Variants in MGAT5B observed in about 807,000 individuals in gnomAD.
The protein encoded by MGAT5B is alpha-1,6-mannosylglycoprotein 6-beta-N-acetylglucosaminyltransferase B.
In MGAT5B, 54 loss-of-function variants were observed where a neutral mutation model predicts 95.1. The observed-to-expected ratio is 0.57, with a 90% CI of 0.46 to 0.71. MGAT5B has a LOEUF of 0.71. Among genes scored for constraint, MGAT5B ranks in the 30% least tolerant of loss-of-function variants. The pLI is 0.00. For synonymous variants in MGAT5B, 464 were observed against 451.0 expected (o/e 1.03, Z -0.36); for missense variants, 935 against 1,088.6 (o/e 0.86, Z 1.99).
At chr17:76,913,938 T>C (rs1224273387) in intron 8 of MGAT5B, 4 of 360,020 alleles carry the variant, frequency 1.1e-5, no homozygotes, top group African/African-American at 2.1e-5. Context: ...TAGTGAGACC[T>C]GGTCTTTACC....
chr17:76,933,249 G>GTC lies in MGAT5B; in HGVS notation c.1423-33_1423-32dup, dbSNP rs761140377. On this transcript the variant is annotated intron_variant, in intron 11 of 17. Coordinates refer to ENST00000569840, the MANE Select transcript of MGAT5B (RefSeq NM_001199172.2). ...GTCTGCGAATCATCACTAACCTGCT[G>GTC]TCTCTCTCTCTGTTCCTTGTGCTCC... The GTC allele has an allele frequency of 5.0e-6, 8 of 1,597,854 alleles. No homozygotes were observed. In the South Asian group the frequency reaches 5.5e-5, roughly 11 times the overall value.
intron 4 of MGAT5B, 56 bp downstream of exon 4, chr17:76,902,726 G>A: frequency 7.9e-7 from 1 of 1,261,162 alleles, no homozygotes; most frequent in Non-Finnish European, 1.1e-6. Context: ...TGAACTGGGT[G>A]CTGGGTGGGC....
intron 1 of MGAT5B, chr17:76,872,615 A>G (rs994296081): frequency 3.0e-5 from 43 of 1,444,108 alleles, no homozygotes; most frequent in Middle Eastern, 1.9e-4. Flanking sequence ...AGTGTGCGTC[A>G]TTCTGCCTTG....
Position 76,869,209 on chromosome 17 carries a change from T to C in MGAT5B, c.68+112T>C. The stretch of plus-strand genomic sequence containing the variant: ...GGTGGCAGAGGGGGCGGTTCACACT[T>C]CAACCCCTGGTGATGACCAGTGGGG... On this transcript the variant is annotated intron_variant, in intron 1 of 17. Coordinates refer to ENST00000569840, the MANE Select transcript of MGAT5B (RefSeq NM_001199172.2). This position sits in a 1 kb window ranked among gnomAD's most constrained non-coding sequence, Gnocchi z 7.0. 2 of 895,972 alleles carry C rather than the reference T, an allele frequency of 2.2e-6. No individual in the cohort carries two copies. Among genetic ancestry groups the C allele is most frequent in the Non-Finnish European group, 3.6e-6 (2 of 551,870 alleles). 55.5% of individuals were successfully genotyped at this position (895,972 alleles called of 1,614,324 possible). A position where few individuals can be genotyped will look rare whatever the true frequency, so the allele number is the denominator to read the frequency against.
chr17:76,878,382 G>A (rs1283739939), intron 2 of MGAT5B, among the ~76,000 whole-genome samples: 1 of 152,204 alleles, frequency 6.6e-6, no homozygotes, highest in Non-Finnish European at 1.5e-5. Context: ...ATGGGGTGGG[G>A]CTTGAAGAAC....
rs149653594 is a variant in MGAT5B, at chr17:76,914,798, C to T, written c.1025+8611C>T. ...GACTACAGGAATGTGCCACCATGCCCAGCTAATTTTTGTATTTTTAGTAGA... is the reference window on the plus strand; with the variant it reads ...GACTACAGGAATGTGCCACCATGCCTAGCTAATTTTTGTATTTTTAGTAGA... On this transcript the variant is annotated intron_variant, in intron 8 of 17. Transcript: ENST00000569840. This position sits in a 1 kb window ranked among gnomAD's most constrained non-coding sequence, Gnocchi z 5.1. 6.0e-3 allele frequency among the ~76,000 whole-genome samples: 919 copies of T among 152,212 alleles called. 13 individuals are homozygous for T. The highest frequency in any genetic ancestry group is 0.021 in the African/African-American group (890 of 41,528).
chr17:76,874,632 G>T (rs1967121186), intron 2 of MGAT5B, among the ~76,000 whole-genome samples: 1 of 152,134 alleles, frequency 6.6e-6, no homozygotes, highest in Non-Finnish European at 1.5e-5. Context: ...AATTAGGGAT[G>T]GGGGAGAGGA....
chr17:76,933,394 C>A, intron 12 of MGAT5B, 97 bp downstream of exon 12: 1 of 1,488,432 alleles, frequency 6.7e-7, no homozygotes, highest in Non-Finnish European at 9.2e-7. Flanking sequence ...GTTCTCCTGA[C>A]TCAGGCTCTC....
At chr17:76,943,758 A>G (rs1969943877) in intron 15 of MGAT5B, among the ~76,000 whole-genome samples, 1 of 152,026 alleles carries the variant, frequency 6.6e-6, no homozygotes, top group Non-Finnish European at 1.5e-5. Flanking sequence ...TCTATTTTAG[A>G]AAACAGATTT....
At chr17:76,935,859 T>TTATATA (rs1233318966) in intron 12 of MGAT5B, among the ~76,000 whole-genome samples, 11 of 60,844 alleles carry the variant, frequency 1.8e-4, no homozygotes, top group Admixed American at 1.1e-3. Context: ...ATACTATATA[T>TTATATA]ATTATATACA....
chr17:76,906,135 T>C lies in MGAT5B; in HGVS notation c.973T>C (p.Tyr325His), dbSNP rs1287689822. 2 of 1,607,798 alleles carry C rather than the reference T, an allele frequency of 1.2e-6. No homozygotes were observed. Among genetic ancestry groups the C allele is most frequent in the Middle Eastern group, 1.7e-4 (1 of 5,998 alleles). Residue 325 changes from tyrosine to histidine, a missense_variant, in exon 8 of 18, where the codon TAT (tyrosine) becomes CAT (histidine). Coordinates refer to ENST00000569840, the MANE Select transcript of MGAT5B (RefSeq NM_001199172.2). The surrounding 1 kb of genome is among the most constrained non-coding windows in gnomAD (Gnocchi z 4.6). ...GTGGGCGGACATTCTGACTGCACTCTATGTCCTGGGCCATGGCCTGCGGGT... is the reference window on the plus strand; with the variant it reads ...GTGGGCGGACATTCTGACTGCACTCCATGTCCTGGGCCATGGCCTGCGGGT... ...VQWADILTAL[Y>H]VLGHGLRVTV...
rs1279974886 is a variant in MGAT5B, at chr17:76,906,632, G to A, written c.1025+445G>A. ...GAAGGGGCGTGGTTGGGTGGGTGGT[G>A]CCTGTCCCTTACCCAGTGCTGGGCT... On this transcript the variant is annotated intron_variant, in intron 8 of 17. Transcript: ENST00000569840. This position sits in a 1 kb window ranked among gnomAD's most constrained non-coding sequence, Gnocchi z 4.6. Among the ~76,000 whole-genome samples, 1 of 152,138 alleles carries A rather than the reference G, an allele frequency of 6.6e-6. No individual in the cohort carries two copies. Among genetic ancestry groups the A allele is most frequent in the African/African-American group, 2.4e-5 (1 of 41,420 alleles).
In MGAT5B at chr17:76,914,743, T is replaced by G. The variant is rs1968866862; in HGVS notation, c.1025+8556T>G. ...ATCCTCCACCTCCGGGTTCAAGTGA[T>G]TCTCCTGCCTCAGCCTCCCGAGTAG... On this transcript the variant is annotated intron_variant, in intron 8 of 17. Coordinates refer to ENST00000569840, the MANE Select transcript of MGAT5B (RefSeq NM_001199172.2). This position sits in a 1 kb window ranked among gnomAD's most constrained non-coding sequence, Gnocchi z 5.1. Among the ~76,000 whole-genome samples, 2 of 152,082 alleles carry G rather than the reference T, an allele frequency of 1.3e-5. No individual in the cohort carries two copies. The highest frequency in any genetic ancestry group is 4.8e-5 in the African/African-American group (2 of 41,352).
chr17:76,920,547 G>A (rs1369233650), intron 8 of MGAT5B, among the ~76,000 whole-genome samples: 2 of 152,174 alleles, frequency 1.3e-5, no homozygotes, highest in Non-Finnish European at 2.9e-5. Flanking sequence ...TGCTCTCCAG[G>A]GGGTGAGGCT....
intron 3 of MGAT5B, among the ~76,000 whole-genome samples, chr17:76,894,328 C>T (rs1019364144): frequency 2.0e-5 from 3 of 152,170 alleles, no homozygotes; most frequent in Non-Finnish European, 4.4e-5. Context: ...CCTTGCTGTG[C>T]CTTTGTTTCC....
At position 76,890,458 on chromosome 17, in the gene MGAT5B, CA is replaced by C. The variant is rs563378393; in HGVS notation, c.329+8162del. ...ATAGGTCTCTTAGGAGTTCAGGCTG[CA>C]ATAGCAAAGTTCCATAGCCTCGGGG... On this transcript the variant is annotated intron_variant, in intron 3 of 17. Coordinates refer to ENST00000569840, the MANE Select transcript of MGAT5B (RefSeq NM_001199172.2). 3.0e-3 allele frequency among the ~76,000 whole-genome samples: 462 copies of C among 152,304 alleles called. 2 individuals carry two copies. Among genetic ancestry groups the C allele is most frequent in the African/African-American group, 0.011 (439 of 41,562 alleles).
chr17:76,901,163 G>A (rs1968301778), intron 3 of MGAT5B, among the ~76,000 whole-genome samples: 1 of 152,166 alleles, frequency 6.6e-6, no homozygotes. Context: ...TGTAGAGGGC[G>A]GGTGGCCATT....
chr17:76,920,333 C>T (rs908591249), intron 8 of MGAT5B, among the ~76,000 whole-genome samples: 4 of 152,160 alleles, frequency 2.6e-5, no homozygotes, highest in East Asian at 1.9e-4. Context: ...AAGGTCTGGA[C>T]GGGAGTGTTT....
At chr17:76,932,586 G>A in intron 10 of MGAT5B, 59 bp from the exon 11 acceptor site, 1 of 1,606,706 alleles carries the variant, frequency 6.2e-7, no homozygotes, top group Non-Finnish European at 8.5e-7. Context: ...GTCCAGGGAG[G>A]CCTGGGGCTG....
Sources: gnomAD v4.1 joint callset for allele counts (sites outside exome capture counted in the v4.1 genomes callset) on GRCh38, gnomAD v4.1.1 for gene constraint, Gnocchi (gnomAD v3.1) non-coding constraint, MANE v1.5 for transcripts, NCBI Gene and HGNC (gene_info 2026-07-23, HGNC 2026-07-21) for gene names.